The following LPCAT3 variants were observed in gnomAD, a reference collection of about 807,000 sequenced individuals.
The protein encoded by LPCAT3 is lysophospholipid acyltransferase 5.
LPCAT3 carries 21 observed loss-of-function variants against 63.4 expected under a neutral mutation model. The observed-to-expected ratio is 0.33, with a 90% CI of 0.23 to 0.48. The LOEUF is 0.48. Among genes scored for constraint, LPCAT3 ranks in the 20% least tolerant of loss-of-function variants. LPCAT3 has a pLI of 0.99. For missense variants in LPCAT3, 451 were observed against 590.6 expected (o/e 0.76, Z 2.45); for synonymous variants, 242 against 227.5 (o/e 1.06, Z -0.58).
At chr12:7,013,555 G>C (rs1490087120) in intron 1 of LPCAT3, among the ~76,000 whole-genome samples, 1 of 152,156 alleles carries the variant, frequency 6.6e-6, no homozygotes, top group Non-Finnish European at 1.5e-5. Context: ...GATAGGATTG[G>C]GTGACTGGGA....
At chr12:6,990,749 C>CCCATCT (rs1229792829) in intron 1 of LPCAT3, among the ~76,000 whole-genome samples, 1 of 149,328 alleles carries the variant, frequency 6.7e-6, no homozygotes, top group South Asian at 2.1e-4. Flanking sequence ...ATGGTGAAAC[C>CCCATCT]CTACTAAAAA....
At chr12:6,980,900 A>G (rs782033775) in intron 6 of LPCAT3, 104 bp downstream of exon 6, 104 of 1,161,808 alleles carry the variant, frequency 9.0e-5, no homozygotes, top group East Asian at 2.3e-4. Context: ...TGCATGACTC[A>G]GGTCTCTATG....
chr12:7,009,445 A>G (rs1259545972), intron 1 of LPCAT3, among the ~76,000 whole-genome samples: 3 of 152,230 alleles, frequency 2.0e-5, no homozygotes, highest in Non-Finnish European at 4.4e-5. Context: ...GTAATCCTCA[A>G]ACTCTAGAGT....
chr12:6,978,500 A>T lies in LPCAT3; in HGVS notation c.881T>A (p.Val294Glu). 2 of 1,612,288 alleles carry T rather than the reference A, an allele frequency of 1.2e-6. No homozygotes were observed. Among genetic ancestry groups the T allele is most frequent in the Non-Finnish European group, 1.7e-6 (2 of 1,178,826 alleles). The change falls in exon 9 of 13, where the codon GTA (valine) becomes GAA (glutamate). Residue 294 changes from valine to glutamate, a missense_variant. By Grantham distance (121) the Val-to-Glu change is moderately radical. Coordinates refer to ENST00000261407, the MANE Select transcript of LPCAT3 (RefSeq NM_005768.6). ...GAAGCCCAGGCCCGTCAAAATGCATACTCCTTCCTGAGAGGGAATAGCTCA... is the reference window on the plus strand; with the variant it reads ...GAAGCCCAGGCCCGTCAAAATGCATTCTCCTTCCTGAGAGGGAATAGCTCA... ...YVTCWLVTEG[V>E]CILTGLGFNG... is the part of the protein sequence containing the mutation.
chr12:7,003,380 T>C (rs1244459360), intron 1 of LPCAT3, among the ~76,000 whole-genome samples: 1 of 151,000 alleles, frequency 6.6e-6, no homozygotes, highest in East Asian at 2.0e-4. Flanking sequence ...TTTTTTAACA[T>C]ATGTTTGATT....
intron 1 of LPCAT3, among the ~76,000 whole-genome samples, chr12:6,994,293 C>T (rs782504322): frequency 3.3e-5 from 5 of 152,062 alleles, no homozygotes; most frequent in East Asian, 3.9e-4. Context: ...CGGCAACCTC[C>T]GCTTCCCAGG....
At chr12:6,995,710 C>T (rs912339249) in intron 1 of LPCAT3, among the ~76,000 whole-genome samples, 6 of 151,978 alleles carry the variant, frequency 3.9e-5, no homozygotes, top group South Asian at 2.1e-4. Context: ...AGTCCTATAC[C>T]GGGGTAATCT....
intron 6 of LPCAT3, chr12:6,980,079 G>A (rs184471716): frequency 1.4e-5 from 2 of 138,644 alleles, no homozygotes; most frequent in East Asian, 4.2e-4. Context: ...TCAGGGCCTT[G>A]CTCTGCCACT....
chr12:7,001,186 A>T (rs1340029411), intron 1 of LPCAT3, among the ~76,000 whole-genome samples: 1 of 149,376 alleles, frequency 6.7e-6, no homozygotes, highest in African/African-American at 2.5e-5. Flanking sequence ...AGGAAGAAGC[A>T]TATTTGCCAT....
chr12:7,001,283 C>T, intron 1 of LPCAT3: 2 of 381,122 alleles, frequency 5.2e-6, no homozygotes, highest in South Asian at 4.0e-5. Context: ...CTCACATGGT[C>T]ATATATTTTT....
chr12:7,002,451 C>T (rs1946694369), intron 1 of LPCAT3, among the ~76,000 whole-genome samples: 1 of 152,188 alleles, frequency 6.6e-6, no homozygotes, highest in South Asian at 2.1e-4. Flanking sequence ...GCTGTTTTCT[C>T]TCCAACCCCT....
At chr12:7,004,654 G>A (rs1946713941) in intron 1 of LPCAT3, among the ~76,000 whole-genome samples, 1 of 152,144 alleles carries the variant, frequency 6.6e-6, no homozygotes, top group South Asian at 2.1e-4. Context: ...CATACCCAGG[G>A]TCATTCATGA....
chr12:6,979,359 A>AT, intron 7 of LPCAT3, 112 bp downstream of exon 7: 1 of 787,512 alleles, frequency 1.3e-6, no homozygotes, highest in Non-Finnish European at 2.1e-6. Flanking sequence ...AGCAAAACCA[A>AT]CATGCACTTG....
At chr12:6,978,164 CAG>C (rs1555153561) in intron 9 of LPCAT3, 175 bp downstream of exon 9, 1 of 704,442 alleles carries the variant, frequency 1.4e-6, no homozygotes, top group African/African-American at 2.0e-5. Flanking sequence ...TCAAATATGA[CAG>C]TAATGGTTTT....
chr12:7,006,893 C>A (rs955555704), intron 1 of LPCAT3, among the ~76,000 whole-genome samples: 2 of 152,116 alleles, frequency 1.3e-5, no homozygotes, highest in Non-Finnish European at 2.9e-5. Flanking sequence ...TTGGAAACCT[C>A]GAGAGTTATA....
intron 1 of LPCAT3, among the ~76,000 whole-genome samples, chr12:7,012,723 A>T (rs1452412692): frequency 3.3e-5 from 5 of 152,140 alleles, no homozygotes; most frequent in Non-Finnish European, 7.3e-5. Context: ...ACCAGGCTTC[A>T]CAACTCCCAA....
chr12:6,984,080 T>A (rs1230120571), intron 1 of LPCAT3, among the ~76,000 whole-genome samples: 1 of 152,208 alleles, frequency 6.6e-6, no homozygotes, highest in South Asian at 2.1e-4. Flanking sequence ...TATCAGATTA[T>A]GAGGAAAAAT....
intron 1 of LPCAT3, among the ~76,000 whole-genome samples, chr12:7,008,245 G>A (rs1310470979): frequency 6.6e-6 from 1 of 152,018 alleles, no homozygotes; most frequent in Admixed American, 6.6e-5. Context: ...ACAAATTACA[G>A]ATAAGCTTTA....
rs782314360 is a variant in LPCAT3 at position 7,018,230 on chromosome 12, C to A, written c.151+44G>T. ...CCTGTCCCCATTCCTCCCCTACTCC[C>A]CGGGGACTCCGCGAGGGGCGGAGGG... On this transcript the variant is annotated intron_variant, in intron 1 of 12. Coordinates refer to ENST00000261407, the MANE Select transcript of LPCAT3 (RefSeq NM_005768.6). This position sits in a 1 kb window ranked among gnomAD's most constrained non-coding sequence, Gnocchi z 4.9. The A allele has an allele frequency of 7.7e-6, 12 of 1,565,502 alleles. No homozygotes were observed. Among genetic ancestry groups the A allele is most frequent in the Non-Finnish European group, 9.5e-6 (11 of 1,154,574 alleles).
Sources: gnomAD v4.1 joint callset for allele counts (sites outside exome capture counted in the v4.1 genomes callset) on GRCh38, gnomAD v4.1.1 for gene constraint, Gnocchi (gnomAD v3.1) non-coding constraint, MANE v1.5 for transcripts, NCBI Gene and HGNC (gene_info 2026-07-23, HGNC 2026-07-21) for gene names.